Variants in PPP2R2B observed in about 807,000 individuals in gnomAD.
PPP2R2B encodes serine/threonine-protein phosphatase 2A 55 kDa regulatory subunit B beta isoform.
PPP2R2B carries 5 observed loss-of-function variants against 46.0 expected under a neutral mutation model. The ratio of observed to expected loss-of-function variants is 0.11; its 90% CI spans 0.06 to 0.23. The LOEUF (loss-of-function observed/expected upper bound fraction) is 0.23. Ranked by LOEUF, PPP2R2B falls within the 10% of genes least tolerant of loss-of-function variation. The pLI is 1.00. For synonymous variants in PPP2R2B, 215 were observed against 206.7 expected (o/e 1.04, Z -0.34); for missense variants, 367 against 575.0 (o/e 0.64, Z 3.70).
intron 2 of PPP2R2B, among the ~76,000 whole-genome samples, chr5:146,804,005 G>A (rs112613922): frequency 1.2e-4 from 18 of 151,856 alleles, no homozygotes; most frequent in African/African-American, 4.1e-4. Context: ...GTCTCTACTA[G>A]AAATAAAAAA....
chr5:146,621,866 A>G (rs932033566), intron 7 of PPP2R2B, among the ~76,000 whole-genome samples: 3 of 152,172 alleles, frequency 2.0e-5, no homozygotes, highest in African/African-American at 7.2e-5. Flanking sequence ...GGGGAAGGAG[A>G]GACAGGTTGT....
At chr5:146,601,533 G>C (rs775003207) in intron 7 of PPP2R2B, among the ~76,000 whole-genome samples, 4 of 152,130 alleles carry the variant, frequency 2.6e-5, no homozygotes, top group Admixed American at 6.5e-5. Context: ...GCAACAGATC[G>C]AGATCCTGTC....
chr5:146,602,240 A>G (rs1771856570), intron 7 of PPP2R2B, among the ~76,000 whole-genome samples: 1 of 152,100 alleles, frequency 6.6e-6, no homozygotes, highest in Non-Finnish European at 1.5e-5. Flanking sequence ...ACAACTGATG[A>G]GTTTGTTTTA....
At chr5:146,599,255 CCACA>C (rs1396145175) in intron 8 of PPP2R2B, among the ~76,000 whole-genome samples, 1 of 152,170 alleles carries the variant, frequency 6.6e-6, no homozygotes, top group Non-Finnish European at 1.5e-5. Context: ...TCCAAAACTT[CCACA>C]CAGTCTTCTT....
upstream of PPP2R2B, among the ~76,000 whole-genome samples, chr5:146,880,179 TTGTGTGTGTGTGTGTGTGTG>T (rs57151657): frequency 5.1e-5 from 7 of 138,250 alleles, no homozygotes; most frequent in South Asian, 5.1e-4. Flanking sequence ...CATAGTTATT[TTGTGTGTGTGTGTGTGTGTG>T]TGTGTGTGTG....
chr5:146,917,211 C>A (rs1030054332), intron 1 of PPP2R2B, among the ~76,000 whole-genome samples: 1 of 152,020 alleles, frequency 6.6e-6, no homozygotes, highest in East Asian at 1.9e-4. Flanking sequence ...TAATAACCAG[C>A]GACATGGGCT....
At chr5:146,887,080 T>G (rs974141586) in intron 1 of PPP2R2B, among the ~76,000 whole-genome samples, 8 of 152,056 alleles carry the variant, frequency 5.3e-5, no homozygotes, top group Non-Finnish European at 7.4e-5. Flanking sequence ...AAGATGAAAT[T>G]CATTTTAATA....
chr5:146,960,278 T>A (rs4705449), intron 1 of PPP2R2B, among the ~76,000 whole-genome samples: 1 of 151,872 alleles, frequency 6.6e-6, no homozygotes, highest in Non-Finnish European at 1.5e-5. Context: ...TGGTTACATG[T>A]GTAAAGAAAA....
At chr5:146,920,013 G>T (rs1043812824) in intron 1 of PPP2R2B, among the ~76,000 whole-genome samples, 11 of 151,962 alleles carry the variant, frequency 7.2e-5, no homozygotes, top group Non-Finnish European at 1.3e-4. Context: ...CTAAAAAATG[G>T]GCTTACAAAT....
At chr5:146,813,741 A>G (rs1757766559) in intron 2 of PPP2R2B, among the ~76,000 whole-genome samples, 1 of 152,204 alleles carries the variant, frequency 6.6e-6, no homozygotes, top group Admixed American at 6.5e-5. Context: ...TTTGCCTCCC[A>G]AATAGCCGAA....
chr5:146,784,888 G>A (rs183665), intron 2 of PPP2R2B, among the ~76,000 whole-genome samples: 93,594 of 151,960 alleles, frequency 0.62, 29,612 homozygotes, highest in Middle Eastern at 0.7. Flanking sequence ...TTAGACATAC[G>A]TAAGTTAGAT....
chr5:146,954,040 A>C (rs1751756212), intron 1 of PPP2R2B, among the ~76,000 whole-genome samples: 1 of 152,030 alleles, frequency 6.6e-6, no homozygotes, highest in African/African-American at 2.4e-5. Flanking sequence ...GCAGGTGTGC[A>C]TGCAATTTAA....
At chr5:147,037,320 A>T (rs911976435) in intron 1 of PPP2R2B, among the ~76,000 whole-genome samples, 1 of 152,194 alleles carries the variant, frequency 6.6e-6, no homozygotes, top group East Asian at 1.9e-4. Context: ...TGCAAGAAAA[A>T]CATAGCTACA....
At chr5:146,957,477 T>A (rs993488072) in intron 1 of PPP2R2B, among the ~76,000 whole-genome samples, 12 of 152,138 alleles carry the variant, frequency 7.9e-5, no homozygotes, top group Non-Finnish European at 1.6e-4. Context: ...TAGAGAAGGA[T>A]GTTAGAGGCT....
At chr5:146,927,465 T>G in intron 1 of PPP2R2B, among the ~76,000 whole-genome samples, 1 of 152,204 alleles carries the variant, frequency 6.6e-6, no homozygotes. Flanking sequence ...CCACGCAGAT[T>G]AACTTGCGGC....
intron 1 of PPP2R2B, among the ~76,000 whole-genome samples, chr5:146,896,153 C>A (rs762001253): frequency 5.3e-5 from 8 of 151,980 alleles, no homozygotes; most frequent in Non-Finnish European, 1.0e-4. Flanking sequence ...TGCTTTTTTA[C>A]CCCCATAATT....
intron 2 of PPP2R2B, among the ~76,000 whole-genome samples, chr5:146,853,602 T>C (rs1582272986): frequency 6.6e-6 from 1 of 152,082 alleles, no homozygotes; most frequent in East Asian, 1.9e-4. Flanking sequence ...GAGTAACTAA[T>C]GCATGTAAAG....
At chr5:146,627,262 C>A (rs1774128601) in intron 7 of PPP2R2B, among the ~76,000 whole-genome samples, 1 of 152,210 alleles carries the variant, frequency 6.6e-6, no homozygotes, top group South Asian at 2.1e-4. Context: ...GTTAATTATA[C>A]CTCAGATCAA....
chr5:146,743,184 C>G (rs188956324), intron 2 of PPP2R2B, among the ~76,000 whole-genome samples: 24 of 152,236 alleles, frequency 1.6e-4, no homozygotes, highest in African/African-American at 5.3e-4. Flanking sequence ...TTAACAACAG[C>G]CTTTTGGTCT....
Sources: gnomAD v4.1 joint callset for allele counts (sites outside exome capture counted in the v4.1 genomes callset) on GRCh38, gnomAD v4.1.1 for gene constraint, MANE v1.5 for transcripts, NCBI Gene and HGNC (gene_info 2026-07-23, HGNC 2026-07-21) for gene names.